SYCP2L: variants seen among roughly 807,000 people sequenced by gnomAD.
SYCP2L encodes the protein synaptonemal complex protein 2 like.
In SYCP2L, 98 loss-of-function variants were observed where a neutral mutation model predicts 125.8. That is an observed-to-expected ratio of 0.78 (90% CI 0.66 to 0.92). SYCP2L has a LOEUF of 0.92. SYCP2L is among the 40% of genes least tolerant of loss of function. SYCP2L has a pLI of 0.00. For synonymous variants in SYCP2L, 317 were observed against 325.4 expected (o/e 0.97, Z 0.28); for missense variants, 842 against 936.4 (o/e 0.90, Z 1.32).
chr6:10,888,210 C>T (rs759445573), intron 1 of SYCP2L, among the ~76,000 whole-genome samples: 1 of 150,864 alleles, frequency 6.6e-6, no homozygotes, highest in Non-Finnish European at 1.5e-5. Flanking sequence ...GATTCTCCTA[C>T]CTCAGCCTCC....
chr6:10,906,321 A>G (rs1409643491), intron 9 of SYCP2L, among the ~76,000 whole-genome samples: 1 of 151,720 alleles, frequency 6.6e-6, no homozygotes, highest in Non-Finnish European at 1.5e-5. Flanking sequence ...AAAAAAAAAC[A>G]GTGTCATGGA....
chr6:10,932,960 G>T (rs1031008705), intron 20 of SYCP2L, among the ~76,000 whole-genome samples: 1 of 152,040 alleles, frequency 6.6e-6, no homozygotes, highest in African/African-American at 2.4e-5. Flanking sequence ...TGCCATGTTG[G>T]CCAGGCTGGT....
At chr6:10,936,737 T>C (rs1781102225) in intron 21 of SYCP2L, among the ~76,000 whole-genome samples, 1 of 152,120 alleles carries the variant, frequency 6.6e-6, no homozygotes, top group African/African-American at 2.4e-5. Flanking sequence ...AAACTGAAAG[T>C]GAAGGGTCGG....
At chr6:10,939,166 T>C (rs930387568) in intron 21 of SYCP2L, among the ~76,000 whole-genome samples, 3 of 150,578 alleles carry the variant, frequency 2.0e-5, no homozygotes, top group Non-Finnish European at 4.4e-5. Flanking sequence ...AAAAAACACA[T>C]AAAAATAACC....
At chr6:10,958,914 A>AGGTT (rs1298606245) in intron 26 of SYCP2L, 39 bp downstream of exon 26, 2 of 1,567,694 alleles carry the variant, frequency 1.3e-6, no homozygotes, top group Non-Finnish European at 1.8e-6. Context: ...TGGAAGTGTG[A>AGGTT]TCACTCACCA....
At chr6:10,913,076 AGGTT>A in intron 14 of SYCP2L, 149 bp downstream of exon 14, 1 of 655,346 alleles carries the variant, frequency 1.5e-6, no homozygotes, top group Non-Finnish European at 2.5e-6. Context: ...GCGCTGTCAC[AGGTT>A]TGTGACTTCT....
intron 23 of SYCP2L, among the ~76,000 whole-genome samples, chr6:10,952,471 A>T (rs1167438240): frequency 1.3e-5 from 2 of 152,036 alleles, no homozygotes; most frequent in Non-Finnish European, 2.9e-5. Flanking sequence ...TCTTTGGTGG[A>T]TGTAACTAGT....
At chr6:10,926,069 A>G (rs1444863718) in intron 15 of SYCP2L, among the ~76,000 whole-genome samples, 1 of 152,196 alleles carries the variant, frequency 6.6e-6, no homozygotes, top group Non-Finnish European at 1.5e-5. Context: ...CCAATGGGGT[A>G]AGACCTGGGC....
intron 14 of SYCP2L, among the ~76,000 whole-genome samples, chr6:10,917,056 T>A (rs1302086299): frequency 6.6e-6 from 1 of 152,208 alleles, no homozygotes; most frequent in Non-Finnish European, 1.5e-5. Context: ...TGTTTTGTGG[T>A]CTTCTCATAT....
chr6:10,960,707 T>C (rs1444937634), intron 26 of SYCP2L, among the ~76,000 whole-genome samples: 1 of 152,020 alleles, frequency 6.6e-6, no homozygotes, highest in African/African-American at 2.4e-5. Context: ...GGAGCCTCAG[T>C]CTCATCTTCC....
At chr6:10,933,580 CCACACTTCGAGTT>C (rs1217787096) in intron 20 of SYCP2L, among the ~76,000 whole-genome samples, 1 of 152,094 alleles carries the variant, frequency 6.6e-6, no homozygotes, top group African/African-American at 2.4e-5. Context: ...CACTTCGAGA[CCACACTTCGAGTT>C]ATCTACTGAA....
rs2113352716 is a variant in SYCP2L, at chr6:10,928,450, T to C, written c.1488T>C (p.Pro496=). The change falls in exon 18 of 30, where the codon CCT becomes CCC. Residue 496 remains proline (P), a splice_region_variant and synonymous_variant. Coordinates refer to ENST00000283141, the MANE Select transcript of SYCP2L (RefSeq NM_001040274.3). ...PFGVPDFPQQ[P]KSHYRKHLFS... ...GGGTCCCTGACTTCCCGCAACAACCTGTGAGTACAGGGAGTGGGGCTCAAG... is the reference window on the plus strand; with the variant it reads ...GGGTCCCTGACTTCCCGCAACAACCCGTGAGTACAGGGAGTGGGGCTCAAG... The C allele has an allele frequency of 6.3e-7, 1 of 1,589,926 alleles. No homozygotes were observed.
intron 6 of SYCP2L, among the ~76,000 whole-genome samples, chr6:10,899,496 CATG>C (rs1466451307): frequency 3.9e-5 from 6 of 152,128 alleles, no homozygotes; most frequent in African/African-American, 1.4e-4. Context: ...TGCAGTGAGT[CATG>C]ATCGTGCCAC....
chr6:10,896,011 G>A (rs1193275396), intron 4 of SYCP2L, among the ~76,000 whole-genome samples: 2 of 152,046 alleles, frequency 1.3e-5, no homozygotes, highest in African/African-American at 4.8e-5. Context: ...AAATTAGCTG[G>A]GCAGTGGTGG....
chr6:10,919,282 C>T (rs1159180015), intron 14 of SYCP2L, among the ~76,000 whole-genome samples: 1 of 152,114 alleles, frequency 6.6e-6, no homozygotes, highest in East Asian at 1.9e-4. Context: ...TGATGTAGTA[C>T]TCTCCCTCTT....
At chr6:10,959,869 CAAA>C (rs201059528) in intron 26 of SYCP2L, among the ~76,000 whole-genome samples, 10 of 126,224 alleles carry the variant, frequency 7.9e-5, no homozygotes, top group African/African-American at 1.5e-4. Context: ...AACTCTGTCT[CAAA>C]AAAAAAAAAA....
intron 14 of SYCP2L, among the ~76,000 whole-genome samples, chr6:10,913,544 C>T (rs1046598267): frequency 2.0e-5 from 3 of 151,982 alleles, no homozygotes; most frequent in African/African-American, 7.3e-5. Flanking sequence ...CTATTCATGT[C>T]CTTACCCCAC....
chr6:10,912,412 G>C lies in SYCP2L; in HGVS notation c.919-261G>C, dbSNP rs978133754. On this transcript the variant is annotated intron_variant, in intron 12 of 29. Coordinates refer to ENST00000283141, the MANE Select transcript of SYCP2L (RefSeq NM_001040274.3). The surrounding 1 kb of genome is among the most constrained non-coding windows in gnomAD (Gnocchi z 4.1). ...CATTAGAAAAAAAATTGTGTGGATA[G>C]AATAATGTGACACATTTAAATATCT... Among the ~76,000 whole-genome samples the C allele has an allele frequency of 2.0e-5, 3 of 152,152 alleles. No homozygotes were observed. Among genetic ancestry groups the C allele is most frequent in the Admixed American group, 2.0e-4 (3 of 15,272 alleles).
chr6:10,903,408 T>C (rs570509233), intron 8 of SYCP2L, among the ~76,000 whole-genome samples: 5 of 152,082 alleles, frequency 3.3e-5, no homozygotes, highest in Non-Finnish European at 7.4e-5. Context: ...ATTAGCCGGC[T>C]GTGGTGGTGG....
Sources: allele counts gnomAD v4.1 joint callset (sites outside exome capture counted in the v4.1 genomes callset), GRCh38; gene constraint gnomAD v4.1.1; non-coding constraint Gnocchi (gnomAD v3.1); transcripts MANE v1.5; gene names NCBI Gene and HGNC (gene_info 2026-07-23, HGNC 2026-07-21).